Variants in LRRFIP1 observed in about 807,000 individuals in gnomAD.
LRRFIP1 encodes LRR binding FLII interacting protein 1.
A neutral mutation model predicts 104.4 loss-of-function variants in LRRFIP1; 62 were observed. That is an observed-to-expected ratio of 0.59 (90% CI 0.48 to 0.73). The LOEUF is 0.73. Ranked by LOEUF, LRRFIP1 falls within the 30% of genes least tolerant of loss-of-function variation. LRRFIP1 has a pLI of 0.00. For missense variants in LRRFIP1, 796 were observed against 824.5 expected (o/e 0.97, Z 0.42); for synonymous variants, 300 against 299.0 (o/e 1.00, Z -0.03).
chr2:237,733,299 C>T lies in LRRFIP1; in HGVS notation c.445-475C>T, dbSNP rs564630484. ...GCTGAGGCAGCCTTGCAGTGACTCC[C>T]TTTGTGTCTTGAAGACTGTCGCTGG... On this transcript the variant is annotated intron_variant, in intron 8 of 23. Coordinates refer to ENST00000308482, the MANE Select transcript of LRRFIP1 (RefSeq NM_001137550.2). Among the ~76,000 whole-genome samples the T allele has an allele frequency of 2.6e-5, 4 of 152,326 alleles. No homozygotes were observed. The South Asian group carries it at 6.2e-4, about 24-fold the overall frequency.
intron 22 of LRRFIP1, 22 bp from the exon 23 acceptor site, chr2:237,774,336 T>G (rs779679690): frequency 1.2e-5 from 17 of 1,426,854 alleles, no homozygotes; most frequent in Non-Finnish European, 1.5e-5. Flanking sequence ...TTTATACATA[T>G]GGTTTTTTTT....
At chr2:237,712,001 A>C (rs944380516) in intron 2 of LRRFIP1, among the ~76,000 whole-genome samples, 1 of 152,202 alleles carries the variant, frequency 6.6e-6, no homozygotes, top group African/African-American at 2.4e-5. Context: ...TCTTCAAAAG[A>C]GGGATCGAAA....
At chr2:237,758,638 T>C (rs2059547656) in intron 17 of LRRFIP1, 91 bp from the exon 18 acceptor site, 1 of 807,780 alleles carries the variant, frequency 1.2e-6, no homozygotes, top group Admixed American at 2.3e-5. Flanking sequence ...GTGTTTTAGA[T>C]GGTAGAAGCC....
At position 237,680,017 on chromosome 2, in the gene LRRFIP1, TAGTC is replaced by T. The variant is rs1211972681; in HGVS notation, c.97-28523_97-28520del. 7.9e-5 allele frequency among the ~76,000 whole-genome samples: 12 copies of T among 152,272 alleles called. No homozygotes were observed. In the East Asian group the frequency reaches 1.7e-3, roughly 22 times the overall value. On this transcript the variant is annotated intron_variant, in intron 1 of 23. Coordinates refer to ENST00000308482, the MANE Select transcript of LRRFIP1 (RefSeq NM_001137550.2). Reference sequence around the variant, plus strand: ...GACCATAATAATTTACTGAAGGACATAGTCAGTTGAAAAATGCAGAGAGCAATAC... The same window carrying T: ...GACCATAATAATTTACTGAAGGACATAGTTGAAAAATGCAGAGAGCAATAC...
rs557041278 is a variant in LRRFIP1, at chr2:237,657,949, C to T, written c.96+30209C>T. On this transcript the variant is annotated intron_variant, in intron 1 of 23. Coordinates refer to ENST00000308482, the MANE Select transcript of LRRFIP1 (RefSeq NM_001137550.2). The stretch of plus-strand genomic sequence containing the variant: ...CTTTTTTAAACCCCAAGGTTCAGAA[C>T]GAGTGCAACCAAGAGATAAGTGAAA... Among the ~76,000 whole-genome samples, 13 of 152,262 alleles carry T rather than the reference C, an allele frequency of 8.5e-5. No homozygotes were observed. In the South Asian group the frequency reaches 1.7e-3, roughly 19 times the overall value.
chr2:237,693,407 CAG>C (rs1444381620), intron 1 of LRRFIP1, among the ~76,000 whole-genome samples: 1 of 152,090 alleles, frequency 6.6e-6, no homozygotes, highest in African/African-American at 2.4e-5. Context: ...TAGGAAATGC[CAG>C]AGAGAGGTGT....
Position 237,711,083 on chromosome 2 carries a change from G to C in LRRFIP1, c.183+2453G>C, listed in dbSNP as rs988098618. ...ATGAGACCCCTATCTCTTTCAAAAA[G>C]TAAAAAAATAAAAAGTAGTTGCTAC... On this transcript the variant is annotated intron_variant, in intron 2 of 23. Coordinates refer to ENST00000308482, the MANE Select transcript of LRRFIP1 (RefSeq NM_001137550.2). This position sits in a 1 kb window ranked among gnomAD's most constrained non-coding sequence, Gnocchi z 4.4. Among the ~76,000 whole-genome samples the C allele has an allele frequency of 6.6e-6, 1 of 152,062 alleles. No individual in the cohort carries two copies. Among genetic ancestry groups the C allele is most frequent in the Admixed American group, 6.6e-5 (1 of 15,262 alleles).
At chr2:237,647,174 G>A (rs1237689041) in intron 1 of LRRFIP1, among the ~76,000 whole-genome samples, 1 of 151,968 alleles carries the variant, frequency 6.6e-6, no homozygotes, top group African/African-American at 2.4e-5. Flanking sequence ...GATAGGCCAA[G>A]TCTGATGCTG....
rs1491279834 is a variant in LRRFIP1 at position 237,628,434 on chromosome 2, CCT to C, written c.96+695_96+696del. Among the ~76,000 whole-genome samples, 5 of 118,824 alleles carry C rather than the reference CCT, an allele frequency of 4.2e-5. No individual in the cohort carries two copies. The Admixed American group carries it at 4.3e-4, about 10-fold the overall frequency. 78.0% of individuals were successfully genotyped at this position (118,824 alleles called of 152,430 possible). On this transcript the variant is annotated intron_variant, in intron 1 of 23. Transcript: ENST00000308482. Reference sequence around the variant, plus strand: ...ACTAGAATGGGTATTTGTACAAATGCCTTTTTTTTTTTCCTTCCGCAAGGATT... The same window carrying C: ...ACTAGAATGGGTATTTGTACAAATGCTTTTTTTTTTCCTTCCGCAAGGATT...
chr2:237,746,421 A>G (rs992382247), intron 11 of LRRFIP1, among the ~76,000 whole-genome samples: 3 of 152,198 alleles, frequency 2.0e-5, no homozygotes, highest in African/African-American at 7.2e-5. Context: ...GTTGAGAACC[A>G]CACTTGAATT....
chr2:237,708,490 A>C, intron 1 of LRRFIP1, 54 bp from the exon 2 acceptor site: 2 of 1,352,942 alleles, frequency 1.5e-6, no homozygotes, highest in Non-Finnish European at 2.0e-6. Context: ...CTGACCCTGT[A>C]CTGGGAAGGT....
At chr2:237,723,374 A>T (rs1048386805) in intron 6 of LRRFIP1, among the ~76,000 whole-genome samples, 174 bp from the exon 7 acceptor site, 1 of 152,256 alleles carries the variant, frequency 6.6e-6, no homozygotes, top group East Asian at 1.9e-4. Flanking sequence ...GGTAGCTACC[A>T]TTCTGACATA....
chr2:237,692,166 G>A (rs2149764611), intron 1 of LRRFIP1: 1 of 1,013,874 alleles, frequency 9.9e-7, no homozygotes, highest in East Asian at 9.5e-5. Flanking sequence ...GGGGCGGGCC[G>A]TGGGACGGGC....
At chr2:237,659,697 C>G (rs1467679903) in intron 1 of LRRFIP1, among the ~76,000 whole-genome samples, 1 of 151,286 alleles carries the variant, frequency 6.6e-6, no homozygotes, top group African/African-American at 2.4e-5. Context: ...GGCTAGAGTA[C>G]AGCGGTGCGA....
intron 1 of LRRFIP1, among the ~76,000 whole-genome samples, chr2:237,641,675 T>A (rs2084001566): frequency 6.6e-6 from 1 of 152,186 alleles, no homozygotes; most frequent in Non-Finnish European, 1.5e-5. Flanking sequence ...TGAATATACG[T>A]GTGGTGGGAG....
Position 237,684,766 on chromosome 2 carries a change from G to A in LRRFIP1, c.97-23778G>A, listed in dbSNP as rs371780551. On this transcript the variant is annotated intron_variant, in intron 1 of 23. Coordinates refer to ENST00000308482, the MANE Select transcript of LRRFIP1 (RefSeq NM_001137550.2). ...TCGTGTTTTTAGAAGGTAATTGGTA[G>A]ATATTTGCAGTGCATTGTCTTCATG... Among the ~76,000 whole-genome samples, 21 of 152,142 alleles carry A rather than the reference G, an allele frequency of 1.4e-4. 1 individual carries two copies. The East Asian group carries it at 2.9e-3, about 21-fold the overall frequency.
intron 1 of LRRFIP1, among the ~76,000 whole-genome samples, chr2:237,655,487 T>C (rs561645192): frequency 6.6e-6 from 1 of 152,268 alleles, no homozygotes; most frequent in East Asian, 1.9e-4. Flanking sequence ...AGAAATGGAA[T>C]TTACAGTGCC....
chr2:237,638,481 G>T (rs553785218), intron 1 of LRRFIP1, among the ~76,000 whole-genome samples: 3 of 152,294 alleles, frequency 2.0e-5, no homozygotes, highest in African/African-American at 7.2e-5. Flanking sequence ...CCATGGACTG[G>T]TACCAGTCTG....
At chr2:237,753,561 CA>C in intron 15 of LRRFIP1, 82 bp downstream of exon 15, 2 of 1,224,668 alleles carry the variant, frequency 1.6e-6, no homozygotes, top group Non-Finnish European at 2.2e-6. Context: ...TTTGGGAGGC[CA>C]AGGTGGGAGG....
Sources: gnomAD v4.1 joint callset for allele counts (sites outside exome capture counted in the v4.1 genomes callset) on GRCh38, gnomAD v4.1.1 for gene constraint, Gnocchi (gnomAD v3.1) non-coding constraint, MANE v1.5 for transcripts, NCBI Gene and HGNC (gene_info 2026-07-23, HGNC 2026-07-21) for gene names.